The following CAMK2D variants were observed in gnomAD, a reference collection of about 807,000 sequenced individuals.
CAMK2D encodes the protein calcium/calmodulin dependent protein kinase II delta.
CAMK2D carries 37 observed loss-of-function variants against 84.0 expected under a neutral mutation model. The ratio of observed to expected loss-of-function variants is 0.44; its 90% CI spans 0.34 to 0.58. The LOEUF (loss-of-function observed/expected upper bound fraction) is 0.58, where lower values mean the gene tolerates loss of function less well. Ranked by LOEUF, CAMK2D falls within the 20% of genes least tolerant of loss-of-function variation. The probability of loss-of-function intolerance (pLI) is 0.02; values close to 1 mark genes in which losing one functional copy is unlikely to be tolerated. For synonymous variants in CAMK2D, 202 were observed against 212.5 expected (o/e 0.95, Z 0.43); for missense variants, 448 against 652.5 (o/e 0.69, Z 3.41).
Position 113,552,010 on chromosome 4 carries a change from TG to T in CAMK2D, c.341+20del. On this transcript the variant is annotated intron_variant, in intron 5 of 20. Coordinates refer to ENST00000511664, the MANE Select transcript of CAMK2D (RefSeq NM_001321571.2). ...TATTTGAATGTTGAGTCTTGTATCT[TG>T]CCCAGGGCAAGTCACTTACCTGGCA... 1 of 1,321,510 alleles carries T rather than the reference TG, an allele frequency of 7.6e-7. No individual in the cohort carries two copies. The highest frequency in any genetic ancestry group is 1.3e-5 in the South Asian group (1 of 77,436). The allele number at this position is 1,321,510 out of a possible 1,614,324, so 81.9% of individuals were successfully genotyped here.
chr4:113,688,206 TCTC>T (rs986269194), intron 2 of CAMK2D, among the ~76,000 whole-genome samples: 8 of 152,130 alleles, frequency 5.3e-5, no homozygotes, highest in African/African-American at 1.9e-4. Context: ...CTAATGGATC[TCTC>T]CTTAAGATTA....
intron 4 of CAMK2D, among the ~76,000 whole-genome samples, chr4:113,585,045 A>G (rs889795058): frequency 1.3e-5 from 2 of 152,168 alleles, no homozygotes; most frequent in Non-Finnish European, 2.9e-5. Context: ...ACTTTGGGCC[A>G]AATGTAACTA....
chr4:113,560,875 CA>C (rs2098695060), intron 4 of CAMK2D, among the ~76,000 whole-genome samples: 1 of 151,806 alleles, frequency 6.6e-6, no homozygotes, highest in Non-Finnish European at 1.5e-5. Context: ...AAAGGATAAG[CA>C]AAAAATGAAG....
intron 1 of CAMK2D, among the ~76,000 whole-genome samples, chr4:113,760,583 C>T (rs2099638978): frequency 6.6e-6 from 1 of 152,140 alleles, no homozygotes; most frequent in South Asian, 2.1e-4. Flanking sequence ...GCCGACACGC[C>T]GGCTAACCAG....
chr4:113,694,226 G>C (rs2099396488), intron 2 of CAMK2D, among the ~76,000 whole-genome samples: 1 of 152,250 alleles, frequency 6.6e-6, no homozygotes, highest in East Asian at 1.9e-4. Context: ...CAGATTAATG[G>C]AGCATCAAGA....
chr4:113,568,646 C>G (rs74941037), intron 4 of CAMK2D, among the ~76,000 whole-genome samples: 2,157 of 152,312 alleles, frequency 0.014, 49 homozygotes, highest in African/African-American at 0.049. Context: ...CAAGGAATCA[C>G]AAAACTTTTT....
chr4:113,699,871 T>C (rs1436405822), intron 2 of CAMK2D, among the ~76,000 whole-genome samples: 1 of 152,170 alleles, frequency 6.6e-6, no homozygotes, highest in Non-Finnish European at 1.5e-5. Context: ...TTTAGAAAAC[T>C]ACTAGGTACT....
At position 113,712,070 on chromosome 4, in the gene CAMK2D, C is replaced by A. The variant is rs537796232; in HGVS notation, c.160+47250G>T. On this transcript the variant is annotated intron_variant, in intron 2 of 20. Transcript: ENST00000511664. Reference sequence around the variant, plus strand: ...CCTTAAACTTCCACTTTTAGAAATTCATTCTTTTAGTGTAAGTCATTGAAC... The same window carrying A: ...CCTTAAACTTCCACTTTTAGAAATTAATTCTTTTAGTGTAAGTCATTGAAC... 6.7e-4 allele frequency among the ~76,000 whole-genome samples: 102 copies of A among 152,208 alleles called. 1 individual carries two copies. Among genetic ancestry groups the A allele is most frequent in the African/African-American group, 2.4e-3 (101 of 41,536 alleles).
chr4:113,576,231 A>G (rs1332271639), intron 4 of CAMK2D, among the ~76,000 whole-genome samples: 1 of 152,116 alleles, frequency 6.6e-6, no homozygotes, highest in Non-Finnish European at 1.5e-5. Flanking sequence ...TTGACATTAA[A>G]AAACACATAA....
At chr4:113,703,382 T>C (rs2154349654) in intron 2 of CAMK2D, among the ~76,000 whole-genome samples, 2 of 152,310 alleles carry the variant, frequency 1.3e-5, no homozygotes, top group South Asian at 4.1e-4. Flanking sequence ...TGGAGTACAG[T>C]GGTACAATCA....
chr4:113,727,050 T>G (rs1476116579), intron 2 of CAMK2D, among the ~76,000 whole-genome samples: 1 of 152,152 alleles, frequency 6.6e-6, no homozygotes, highest in East Asian at 1.9e-4. Flanking sequence ...GATCAACTAG[T>G]CTCCGCTCAT....
intron 8 of CAMK2D, among the ~76,000 whole-genome samples, chr4:113,526,164 T>A (rs1178814355): frequency 1.3e-5 from 2 of 152,162 alleles, no homozygotes; most frequent in Non-Finnish European, 2.9e-5. Flanking sequence ...TTAGAACACT[T>A]AAGACATTTT....
At chr4:113,735,939 C>G (rs1479273709) in intron 2 of CAMK2D, among the ~76,000 whole-genome samples, 1 of 152,008 alleles carries the variant, frequency 6.6e-6, no homozygotes, top group East Asian at 1.9e-4. Context: ...ATAAAAATAT[C>G]CTGTTGTTTA....
intron 2 of CAMK2D, among the ~76,000 whole-genome samples, chr4:113,696,195 G>GACACACACACACACACACACAC (rs56784441): frequency 6.9e-6 from 1 of 144,532 alleles, no homozygotes; most frequent in East Asian, 2.1e-4. Flanking sequence ...CAGACACACA[G>GACACACACACACACACACACAC]ACACACACAC....
intron 3 of CAMK2D, among the ~76,000 whole-genome samples, chr4:113,657,531 T>C (rs2099206982): frequency 6.6e-6 from 1 of 152,054 alleles, no homozygotes; most frequent in African/African-American, 2.4e-5. Context: ...TATATAAGAT[T>C]ATAAAAAGGC....
intron 2 of CAMK2D, among the ~76,000 whole-genome samples, chr4:113,694,346 GC>G (rs1216696265): frequency 2.6e-5 from 4 of 152,132 alleles, no homozygotes; most frequent in Non-Finnish European, 5.9e-5. Flanking sequence ...CAATGAAGCT[GC>G]CCTTTATTAA....
At chr4:113,538,653 A>AT (rs1358525585) in intron 6 of CAMK2D, among the ~76,000 whole-genome samples, 1 of 152,164 alleles carries the variant, frequency 6.6e-6, no homozygotes, top group Admixed American at 6.5e-5. Flanking sequence ...AATTGGCTAA[A>AT]TTTTTCCCAC....
intron 12 of CAMK2D, among the ~76,000 whole-genome samples, chr4:113,512,940 T>G (rs1262047166): frequency 6.6e-6 from 1 of 152,214 alleles, no homozygotes; most frequent in African/African-American, 2.4e-5. Context: ...AAATAACTTA[T>G]TCAAAGTTAT....
At chr4:113,680,545 A>T (rs1426504020) in intron 2 of CAMK2D, among the ~76,000 whole-genome samples, 1 of 138,084 alleles carries the variant, frequency 7.2e-6, no homozygotes, top group African/African-American at 3.0e-5. Flanking sequence ...ACATGAGCTT[A>T]AAAAAAAGTT....
Sources: allele counts gnomAD v4.1 joint callset (sites outside exome capture counted in the v4.1 genomes callset), GRCh38; gene constraint gnomAD v4.1.1; transcripts MANE v1.5; gene names NCBI Gene and HGNC (gene_info 2026-07-23, HGNC 2026-07-21).